WDR37: variants seen among roughly 807,000 people sequenced by gnomAD.
WDR37 encodes WD repeat domain 37, also known as WD repeat-containing protein 37.
A neutral mutation model predicts 62.9 loss-of-function variants in WDR37; 19 were observed. The ratio of observed to expected loss-of-function variants is 0.30; its 90% CI spans 0.21 to 0.44. The LOEUF (loss-of-function observed/expected upper bound fraction) is 0.44. WDR37 is among the 20% of genes least tolerant of loss of function. The pLI is 1.00. For synonymous variants in WDR37, 250 were observed against 260.9 expected, an observed-to-expected ratio of 0.96 and a Z score of 0.40; for missense variants, 474 against 657.6, an observed-to-expected ratio of 0.72 and a Z score of 3.05.
intron 1 of WDR37, among the ~76,000 whole-genome samples, chr10:1,069,152 T>C (rs998416094): frequency 2.6e-5 from 4 of 152,008 alleles, no homozygotes; most frequent in African/African-American, 7.2e-5. Context: ...CTGAGTATAC[T>C]GAGAGCCATT....
Position 1,131,102 on chromosome 10 carries a change from T to A in WDR37, c.*1758T>A, listed in dbSNP as rs1423538036. On this transcript the variant is annotated 3_prime_UTR_variant, in exon 14 of 14. Coordinates refer to ENST00000263150, the MANE Select transcript of WDR37 (RefSeq NM_014023.4). ...ACCTGGTCCCTCTGGTTGATTAGAATCTCAGGTTTCAGCTCCTGCTGTCCT... is the reference window on the plus strand; with the variant it reads ...ACCTGGTCCCTCTGGTTGATTAGAAACTCAGGTTTCAGCTCCTGCTGTCCT... The A allele has an allele frequency of 6.6e-6, 1 of 152,288 alleles. No individual in the cohort carries two copies. Among genetic ancestry groups the A allele is most frequent in the Non-Finnish European group, 1.5e-5 (1 of 68,076 alleles). 9.4% of individuals were successfully genotyped at this position (152,288 alleles called of 1,614,324 possible).
At chr10:1,095,744 TG>T in intron 8 of WDR37, among the ~76,000 whole-genome samples, 1 of 152,252 alleles carries the variant, frequency 6.6e-6, no homozygotes, top group Middle Eastern at 3.4e-3. Flanking sequence ...TGCTGATAGG[TG>T]CCTGGCCCAT....
intron 7 of WDR37, among the ~76,000 whole-genome samples, chr10:1,091,186 T>C (rs1460383818): frequency 6.6e-6 from 1 of 152,196 alleles, no homozygotes; most frequent in Non-Finnish European, 1.5e-5. Flanking sequence ...GTGTGGTGCC[T>C]TCCACCCACA....
At chr10:1,104,458 G>A (rs1834937918) in intron 10 of WDR37, among the ~76,000 whole-genome samples, 1 of 152,214 alleles carries the variant, frequency 6.6e-6, no homozygotes, top group Non-Finnish European at 1.5e-5. Flanking sequence ...CTGCTGCTCT[G>A]AACTCTCCAA....
chr10:1,069,389 A>ATATATATATATATATATATATTTTTTTT, intron 1 of WDR37, among the ~76,000 whole-genome samples: 3 of 95,806 alleles, frequency 3.1e-5, no homozygotes, highest in African/African-American at 9.4e-5. Context: ...ATATATATAT[A>ATATATATATATATATATATATTTTTTTT]TTTTTTTTTT....
chr10:1,112,957 C>T (rs1437088293), intron 11 of WDR37, among the ~76,000 whole-genome samples: 1 of 152,210 alleles, frequency 6.6e-6, no homozygotes, highest in Non-Finnish European at 1.5e-5. Context: ...CTGGGATCAT[C>T]GATGAAGATG....
chr10:1,097,533 T>C (rs142614095), intron 9 of WDR37, among the ~76,000 whole-genome samples: 1 of 152,354 alleles, frequency 6.6e-6, no homozygotes, highest in Non-Finnish European at 1.5e-5. Flanking sequence ...CAGCTCTCAC[T>C]GCAGTCCCAG....
intron 11 of WDR37, among the ~76,000 whole-genome samples, chr10:1,108,920 A>G (rs370868818): frequency 1.3e-5 from 2 of 152,226 alleles, no homozygotes; most frequent in African/African-American, 4.8e-5. Flanking sequence ...TCTAGAGAGC[A>G]GGGCAGCTTC....
intron 1 of WDR37, among the ~76,000 whole-genome samples, chr10:1,062,058 G>A (rs1418862510): frequency 1.3e-5 from 2 of 151,798 alleles, no homozygotes; most frequent in African/African-American, 4.8e-5. Flanking sequence ...GATGTGGTGT[G>A]AAAGGAAGGA....
chr10:1,110,180 G>A (rs986928750), intron 11 of WDR37, among the ~76,000 whole-genome samples: 3 of 152,184 alleles, frequency 2.0e-5, no homozygotes, highest in East Asian at 1.9e-4. Flanking sequence ...GGGCGAGTCC[G>A]CTGGGCTGTT....
At chr10:1,108,749 C>CGCCG (rs1554825263) in intron 11 of WDR37, among the ~76,000 whole-genome samples, 1 of 128,042 alleles carries the variant, frequency 7.8e-6, no homozygotes, top group Non-Finnish European at 1.7e-5. Context: ...GCCCCCCCCC[C>CGCCG]CCGTGGAACC....
chr10:1,124,020 C>A (rs1835665376), intron 11 of WDR37, 198 bp from the exon 12 acceptor site: 2 of 618,758 alleles, frequency 3.2e-6, no homozygotes, highest in Non-Finnish European at 5.5e-6. Context: ...TGTTTCTGAT[C>A]CACTGGGAAG....
chr10:1,101,241 C>T (rs908009170), intron 9 of WDR37, among the ~76,000 whole-genome samples: 2 of 152,174 alleles, frequency 1.3e-5, no homozygotes, highest in Admixed American at 6.5e-5. Context: ...ACAACAGATC[C>T]GTGTTCTAAA....
At chr10:1,126,322 CG>C (rs368922515) in intron 13 of WDR37, among the ~76,000 whole-genome samples, 3,695 of 150,758 alleles carry the variant, frequency 0.025, 167 homozygotes, top group African/African-American at 0.086. Context: ...AGGAGAATGG[CG>C]TGAACCCAGG....
At chr10:1,073,732 C>A (rs1833788117) in intron 2 of WDR37, among the ~76,000 whole-genome samples, 1 of 152,194 alleles carries the variant, frequency 6.6e-6, no homozygotes, top group Non-Finnish European at 1.5e-5. Context: ...CTCCTGAGGC[C>A]TCTGTCTGTG....
Position 1,084,496 on chromosome 10 carries a change from G to C in WDR37, c.490G>C (p.Val164Leu). ...GHRDGIWDVS[V>L]AKTQPVVLGT... ...CCGGGACGGCATCTGGGATGTCAGC[G>C]TGGCCAAGACACAGCCAGTGGTGCT... Residue 164 changes from valine to leucine, a missense_variant, in exon 6 of 14, where the codon GTG (valine) becomes CTG (leucine). Coordinates refer to ENST00000263150, the MANE Select transcript of WDR37 (RefSeq NM_014023.4). 1.2e-6 allele frequency: 2 copies of C among 1,614,200 alleles called. No individual in the cohort carries two copies. Among genetic ancestry groups the C allele is most frequent in the Non-Finnish European group, 8.5e-7 (1 of 1,180,042 alleles).
intron 11 of WDR37, among the ~76,000 whole-genome samples, chr10:1,110,116 C>CA (rs1448118226): frequency 2.0e-5 from 3 of 152,140 alleles, no homozygotes; most frequent in Admixed American, 2.0e-4. Context: ...TGTGTACATC[C>CA]AAAAATACGT....
intron 9 of WDR37, among the ~76,000 whole-genome samples, chr10:1,099,063 C>T (rs1480506647): frequency 1.3e-5 from 2 of 152,154 alleles, no homozygotes; most frequent in South Asian, 2.1e-4. Flanking sequence ...CACATTTAAA[C>T]GTAGGTAACA....
chr10:1,105,029 CAG>C lies in WDR37; in HGVS notation c.962-91_962-90del. On this transcript the variant is annotated intron_variant, in intron 10 of 13. Coordinates refer to ENST00000263150, the MANE Select transcript of WDR37 (RefSeq NM_014023.4). This position sits in a 1 kb window ranked among gnomAD's most constrained non-coding sequence, Gnocchi z 5.3. ...TTCCATTAGGTCAGGTTCACAGTCT[CAG>C]AGAGACGGCTTCTTGGGTTCTTGTG... 6.7e-7 allele frequency: 1 copy of C among 1,481,568 alleles called. No homozygotes were observed. Among genetic ancestry groups the C allele is most frequent in the Non-Finnish European group, 9.2e-7 (1 of 1,092,102 alleles). The allele number at this position is 1,481,568 out of a possible 1,614,324, so 91.8% of individuals were successfully genotyped here.
Sources: allele counts gnomAD v4.1 joint callset (sites outside exome capture counted in the v4.1 genomes callset), GRCh38; gene constraint gnomAD v4.1.1; non-coding constraint Gnocchi (gnomAD v3.1); transcripts MANE v1.5; gene names NCBI Gene and HGNC (gene_info 2026-07-23, HGNC 2026-07-21).